Variants in LRRN2 observed in about 807,000 individuals in gnomAD.
LRRN2 encodes leucine rich repeat neuronal 2.
A neutral mutation model predicts 35.7 loss-of-function variants in LRRN2; 10 were observed. The observed-to-expected ratio is 0.28, with a 90% CI of 0.17 to 0.47. The LOEUF is 0.47. Among genes scored for constraint, LRRN2 ranks in the 20% least tolerant of loss-of-function variants. The pLI, the probability that LRRN2 is intolerant of heterozygous loss-of-function variation, is 0.99. For synonymous variants in LRRN2, 391 were observed against 409.6 expected, an observed-to-expected ratio of 0.95 and a Z score of 0.55; for missense variants, 731 against 940.3, an observed-to-expected ratio of 0.78 and a Z score of 2.91.
rs150474088 is a variant in LRRN2, at chr1:204,618,237, G to A, written c.1756C>T (p.Arg586Cys). The change falls in exon 2 of 2, where the codon CGC becomes TGC. Residue 586 changes from arginine to cysteine, a missense_variant. By Grantham distance (180) the Arg-to-Cys change is radical. Around this residue, in one of 3 missense-constraint regions of LRRN2, gnomAD observed 229 missense variants for 258.4 expected, o/e 0.89. Transcript: ENST00000367177. ...PRGTHSYNITRLLQATEYWAC... is the reference protein window; with the variant it reads ...PRGTHSYNITCLLQATEYWAC... ...CAGTACTCCGTGGCCTGAAGGAGGCGGGTAATGTTGTAGCTGTGGGTTCCC... is the reference window on the plus strand; with the variant it reads ...CAGTACTCCGTGGCCTGAAGGAGGCAGGTAATGTTGTAGCTGTGGGTTCCC... 24 of 1,613,418 alleles carry A rather than the reference G, an allele frequency of 1.5e-5. No homozygotes were observed. Among genetic ancestry groups the A allele is most frequent in the East Asian group, 1.1e-4 (5 of 44,890 alleles).
chr1:204,655,603 G>GT (rs1282420586), intron 1 of LRRN2, among the ~76,000 whole-genome samples: 6 of 122,370 alleles, frequency 4.9e-5, no homozygotes, highest in Non-Finnish European at 1.1e-4. Flanking sequence ...GCCAGGTGAG[G>GT]TTTTTTTGTT....
At chr1:204,632,172 T>G (rs1667721124) in intron 1 of LRRN2, among the ~76,000 whole-genome samples, 1 of 152,142 alleles carries the variant, frequency 6.6e-6, no homozygotes, top group Non-Finnish European at 1.5e-5. Flanking sequence ...AGTTCAAGCC[T>G]GCAGTGAGCT....
chr1:204,668,935 T>C (rs1325475725), intron 1 of LRRN2, among the ~76,000 whole-genome samples: 1 of 152,192 alleles, frequency 6.6e-6, no homozygotes, highest in African/African-American at 2.4e-5. Flanking sequence ...GCGAACCTCC[T>C]GCCTCAGTCT....
intron 1 of LRRN2, among the ~76,000 whole-genome samples, chr1:204,684,529 C>T (rs1669023224): frequency 1.3e-5 from 2 of 152,212 alleles, no homozygotes; most frequent in East Asian, 3.9e-4. Context: ...AGTTCCCTCA[C>T]CCCGCGGCTC....
chr1:204,674,560 C>T (rs191919623), intron 1 of LRRN2, among the ~76,000 whole-genome samples: 1 of 152,334 alleles, frequency 6.6e-6, no homozygotes, highest in African/African-American at 2.4e-5. Flanking sequence ...CTGCCTCTGC[C>T]TGCTTCTCCT....
In LRRN2 at chr1:204,618,932, G is replaced by C; in HGVS notation, c.1061C>G (p.Thr354Arg). ...NNALSALHQQTVESLPNLQEV... is the reference protein window; with the variant it reads ...NNALSALHQQRVESLPNLQEV... ...CTGCAGGTTGGGCAGGGACTCCACCGTCTGCTGGTGCAAGGCACTGAGAGC... is the reference window on the plus strand; with the variant it reads ...CTGCAGGTTGGGCAGGGACTCCACCCTCTGCTGGTGCAAGGCACTGAGAGC... Residue 354 changes from threonine (T) to arginine (R), a missense_variant, in exon 2 of 2, where the codon ACG (threonine) becomes AGG (arginine). Physicochemically the swap from Thr to Arg is moderately conservative, Grantham distance 71 (BLOSUM62 -1). Coordinates refer to ENST00000367177, the MANE Select transcript of LRRN2 (RefSeq NM_201630.2). The C allele has an allele frequency of 1.2e-6, 2 of 1,614,112 alleles. No individual in the cohort carries two copies. The highest frequency in any genetic ancestry group is 1.7e-6 in the Non-Finnish European group (2 of 1,180,006).
intron 1 of LRRN2, among the ~76,000 whole-genome samples, chr1:204,624,179 C>T (rs759639833): frequency 1.4e-4 from 21 of 152,202 alleles, no homozygotes; most frequent in African/African-American, 4.6e-4. Context: ...CCCTGCTGGG[C>T]CCCTCAGCTC....
At chr1:204,652,263 CCCCCCCCG>C (rs1553348477) in intron 1 of LRRN2, among the ~76,000 whole-genome samples, 1 of 73,454 alleles carries the variant, frequency 1.4e-5, no homozygotes, top group African/African-American at 7.1e-5. Context: ...CTTCACCGCC[CCCCCCCCG>C]CCCCCCCGCC....
Position 204,617,759 on chromosome 1 carries a change from C to A in LRRN2, c.*92G>T. 1 of 1,418,630 alleles carries A rather than the reference C, an allele frequency of 7.0e-7. No homozygotes were observed. Among genetic ancestry groups the A allele is most frequent in the Non-Finnish European group, 9.9e-7 (1 of 1,014,374 alleles). The allele number at this position is 1,418,630 out of a possible 1,614,324, so 87.9% of individuals were successfully genotyped here. A position where few individuals can be genotyped will look rare whatever the true frequency, so the allele number is the denominator to read the frequency against. ...AGGCCTCAAGCACGTGGGTCCATGT[C>A]CCTTTCCTGGCAGGGCATCTGGCCC... On this transcript the variant is annotated 3_prime_UTR_variant, in exon 2 of 2. Coordinates refer to ENST00000367177, the MANE Select transcript of LRRN2 (RefSeq NM_201630.2).
At chr1:204,639,511 A>G (rs1262430251) in intron 1 of LRRN2, among the ~76,000 whole-genome samples, 1 of 152,124 alleles carries the variant, frequency 6.6e-6, no homozygotes, top group African/African-American at 2.4e-5. Flanking sequence ...GTGGTGGTGC[A>G]CACTTGTAGT....
intron 1 of LRRN2, among the ~76,000 whole-genome samples, chr1:204,631,527 T>C (rs1667704412): frequency 6.6e-6 from 1 of 150,746 alleles, no homozygotes; most frequent in Non-Finnish European, 1.5e-5. Context: ...CAGAGGATGA[T>C]AAAAGTTGTC....
chr1:204,630,723 C>A (rs1340650633), intron 1 of LRRN2, among the ~76,000 whole-genome samples: 1 of 152,090 alleles, frequency 6.6e-6, no homozygotes, highest in African/African-American at 2.4e-5. Flanking sequence ...CTGTGCCCCT[C>A]CCCAGTCCCA....
rs1338206939 is a variant in LRRN2 at position 204,618,585 on chromosome 1, C to T, written c.1408G>A (p.Ala470Thr). 6.2e-7 allele frequency: 1 copy of T among 1,613,874 alleles called. No homozygotes were observed. Among genetic ancestry groups the T allele is most frequent in the Non-Finnish European group, 8.5e-7 (1 of 1,179,994 alleles). The change falls in exon 2 of 2, where the codon GCA becomes ACA. Residue 470 changes from alanine to threonine, a missense_variant. Ala to Thr is a moderately conservative substitution (Grantham distance 58). This residue lies in a region of LRRN2 where 256 missense variants were observed against 392.4 expected (regional missense o/e 0.65). Coordinates refer to ENST00000367177, the MANE Select transcript of LRRN2 (RefSeq NM_201630.2). The part of the protein sequence containing the change: ...PAGLRLTPAH[A>T]GRRYRVYPEG... ...GGGTACACCCGGTACCTCCTGCCTG[C>T]ATGGGCAGGTGTCAGTCGAAGCCCA...
rs151126690 is a variant in LRRN2 at position 204,618,478 on chromosome 1, A to C, written c.1515T>G (p.Ala505=). ...YTCVAQNLVG[A]DTKTVSVVVG... ...CAACCACACTAACCGTCTTAGTGTC[A>C]GCCCCCACCAGGTTCTGGGCCACAC... Residue 505 remains alanine (A), a synonymous_variant, in exon 2 of 2, where the codon GCT becomes GCG. Transcript: ENST00000367177. The C allele has an allele frequency of 1.2e-6, 2 of 1,614,182 alleles. No homozygotes were observed. The highest frequency in any genetic ancestry group is 1.1e-5 in the South Asian group (1 of 91,082).
rs754106618 is a variant in LRRN2, at chr1:204,619,063, G to A, written c.930C>T (p.Pro310=). 2.1e-5 allele frequency: 34 copies of A among 1,606,566 alleles called. 1 individual carries two copies. The highest frequency in any genetic ancestry group is 5.6e-5 in the South Asian group (5 of 90,080). Residue 310 remains proline, a synonymous_variant, in exon 2 of 2, where the codon CCC becomes CCT. Transcript: ENST00000367177. ...SIDKFALVNL[P]ELTKLDITNN... is the part of the protein sequence containing the mutation. ...TGGTGATGTCCAGCTTGGTCAGCTC[G>A]GGGAGGTTCACCAGGGCAAACTTGT...
intron 1 of LRRN2, among the ~76,000 whole-genome samples, chr1:204,651,371 T>C (rs539163314): frequency 1.4e-4 from 21 of 152,130 alleles, no homozygotes; most frequent in Non-Finnish European, 2.8e-4. Context: ...CCGACAGAGC[T>C]GTGAGATGGC....
intron 1 of LRRN2, among the ~76,000 whole-genome samples, chr1:204,670,037 A>G (rs1234015038): frequency 6.6e-6 from 1 of 151,506 alleles, no homozygotes; most frequent in Non-Finnish European, 1.5e-5. Flanking sequence ...TTTTTTTCTG[A>G]CACTTTCTTT....
intron 1 of LRRN2, among the ~76,000 whole-genome samples, chr1:204,645,455 G>A (rs1668082938): frequency 6.6e-6 from 1 of 152,180 alleles, no homozygotes; most frequent in Non-Finnish European, 1.5e-5. Context: ...TTCCTCCATC[G>A]TGTCTGGACA....
intron 1 of LRRN2, among the ~76,000 whole-genome samples, chr1:204,668,349 C>A (rs928439909): frequency 2.2e-4 from 34 of 152,190 alleles, no homozygotes; most frequent in Non-Finnish European, 4.1e-4. Context: ...AATCCCAGTA[C>A]TTTGGGAGGC....
Sources: allele counts gnomAD v4.1 joint callset (sites outside exome capture counted in the v4.1 genomes callset), GRCh38; gene constraint gnomAD v4.1.1; regional missense constraint gnomAD v4.1.1; transcripts MANE v1.5; gene names NCBI Gene and HGNC (gene_info 2026-07-23, HGNC 2026-07-21).